Variants in PTPRD observed in about 807,000 individuals in gnomAD.
PTPRD encodes receptor-type tyrosine-protein phosphatase delta.
In PTPRD, 34 loss-of-function variants were observed where a neutral mutation model predicts 214.5. That is an observed-to-expected ratio of 0.16 (90% CI 0.12 to 0.21). The LOEUF (loss-of-function observed/expected upper bound fraction) is 0.21, where lower values mean the gene tolerates loss of function less well. Ranked by LOEUF, PTPRD falls within the 10% of genes least tolerant of loss-of-function variation. PTPRD has a pLI of 1.00. For missense variants in PTPRD, 2,545 were observed against 2,398.7 expected, an observed-to-expected ratio of 1.06 and a Z score of -1.27; for synonymous variants, 1,128 against 845.7, an observed-to-expected ratio of 1.33 and a Z score of -5.79.
chr9:8,530,309 C>G (rs190432209), intron 14 of PTPRD, among the ~76,000 whole-genome samples: 2 of 152,120 alleles, frequency 1.3e-5, no homozygotes, highest in Non-Finnish European at 2.9e-5. Flanking sequence ...TCTTAGGGAT[C>G]AACTCTCTCA....
intron 3 of PTPRD, among the ~76,000 whole-genome samples, chr9:10,305,383 CAA>C (rs532681794): frequency 0.11 from 8,121 of 75,828 alleles, 397 homozygotes; most frequent in Admixed American, 0.26. Flanking sequence ...AAAGCAATGG[CAA>C]AAAAAAAAAA....
rs115831889 is a variant in PTPRD, at chr9:9,841,205, G to T, written c.-367-74354C>A. On this transcript the variant is annotated intron_variant, in intron 5 of 45. Transcript: ENST00000381196. Reference sequence around the variant, plus strand: ...AATCATACTGGGGGATAGGAGTAGTGGTAGTGGGGTTAACAGAAATAATAA... The same window carrying T: ...AATCATACTGGGGGATAGGAGTAGTTGTAGTGGGGTTAACAGAAATAATAA... Among the ~76,000 whole-genome samples the T allele has an allele frequency of 1.6e-3, 245 of 152,256 alleles. 1 individual carries two copies. In the Middle Eastern group the frequency reaches 0.017, roughly 11 times the overall value.
chr9:9,119,405 T>G (rs1486000538), intron 10 of PTPRD, among the ~76,000 whole-genome samples: 4 of 152,190 alleles, frequency 2.6e-5, no homozygotes, highest in Non-Finnish European at 1.5e-5. Context: ...TATATTTACA[T>G]GAAACTCTAT....
intron 7 of PTPRD, among the ~76,000 whole-genome samples, chr9:9,587,475 A>T (rs983519914): frequency 1.3e-5 from 2 of 152,106 alleles, no homozygotes; most frequent in African/African-American, 4.8e-5. Flanking sequence ...ATATGCTGTT[A>T]GAACTATTAA....
chr9:9,979,376 C>T (rs1420020893), intron 4 of PTPRD, among the ~76,000 whole-genome samples: 1 of 151,740 alleles, frequency 6.6e-6, no homozygotes, highest in African/African-American at 2.4e-5. Flanking sequence ...TAAAATTTAA[C>T]AGTTAAGTGT....
At chr9:10,493,758 C>T (rs1217144225) in intron 2 of PTPRD, among the ~76,000 whole-genome samples, 1 of 151,928 alleles carries the variant, frequency 6.6e-6, no homozygotes, top group Admixed American at 6.6e-5. Flanking sequence ...AGAATAGATT[C>T]ATATGTAACA....
chr9:10,384,884 A>G (rs1453929974), intron 2 of PTPRD, among the ~76,000 whole-genome samples: 2 of 151,822 alleles, frequency 1.3e-5, no homozygotes, highest in Admixed American at 6.6e-5. Flanking sequence ...TTCTTAAACC[A>G]TAACTTAAAC....
chr9:9,221,963 G>T (rs948812322), intron 9 of PTPRD, among the ~76,000 whole-genome samples: 1 of 152,110 alleles, frequency 6.6e-6, no homozygotes, highest in Non-Finnish European at 1.5e-5. Flanking sequence ...ACAAAATCCT[G>T]AAGTGATCTT....
At chr9:9,166,098 A>T (rs1298467502) in intron 10 of PTPRD, among the ~76,000 whole-genome samples, 1 of 152,090 alleles carries the variant, frequency 6.6e-6, no homozygotes, top group East Asian at 1.9e-4. Flanking sequence ...TCCACTAATT[A>T]AAATGTCTCA....
intron 2 of PTPRD, among the ~76,000 whole-genome samples, chr9:10,548,431 A>T (rs375371380): frequency 2.3e-4 from 35 of 152,230 alleles, no homozygotes; most frequent in African/African-American, 6.3e-4. Context: ...CATCTATGGC[A>T]TCAATCACTA....
rs537056217 is a variant in PTPRD, at chr9:10,410,465, T to C, written c.-599-69448A>G. ...GCTGATAGTTTGCCTTTGATAATTA[T>C]ACTTTAATTACACTTATCAAGATGG... On this transcript the variant is annotated intron_variant, in intron 2 of 45. Coordinates refer to ENST00000381196, the MANE Select transcript of PTPRD (RefSeq NM_002839.4). 2.0e-5 allele frequency among the ~76,000 whole-genome samples: 3 copies of C among 151,476 alleles called. No homozygotes were observed. The East Asian group carries it at 5.9e-4, about 30-fold the overall frequency.
intron 3 of PTPRD, among the ~76,000 whole-genome samples, chr9:10,118,655 TA>T: frequency 6.6e-6 from 1 of 151,584 alleles, no homozygotes; most frequent in Admixed American, 6.6e-5. Flanking sequence ...CAAAATAAGA[TA>T]AAAATGTAAT....
At position 9,487,297 on chromosome 9, in the gene PTPRD, G is replaced by A. The variant is rs182858905; in HGVS notation, c.-237+87435C>T. Among the ~76,000 whole-genome samples, 129 of 151,662 alleles carry A rather than the reference G, an allele frequency of 8.5e-4. 2 individuals carry two copies. In the East Asian group the frequency reaches 0.022, roughly 26 times the overall value. On this transcript the variant is annotated intron_variant, in intron 8 of 45. Coordinates refer to ENST00000381196, the MANE Select transcript of PTPRD (RefSeq NM_002839.4). Reference sequence around the variant, plus strand: ...CATTGTTCAATTCCCACCTATGAGTGAGAACATGTGGTGTTTAGTTTTTTG... The same window carrying A: ...CATTGTTCAATTCCCACCTATGAGTAAGAACATGTGGTGTTTAGTTTTTTG...
At chr9:8,729,638 G>A (rs755206037) in intron 12 of PTPRD, among the ~76,000 whole-genome samples, 4 of 151,958 alleles carry the variant, frequency 2.6e-5, no homozygotes, top group East Asian at 1.9e-4. Context: ...GACCATCACC[G>A]TCATCCACAT....
At chr9:10,307,013 C>G (rs1003464818) in intron 3 of PTPRD, among the ~76,000 whole-genome samples, 22 of 152,194 alleles carry the variant, frequency 1.4e-4, no homozygotes, top group African/African-American at 5.1e-4. Flanking sequence ...ATGTAATAAT[C>G]AAGTCTGGAT....
rs192915980 is a variant in PTPRD at position 10,030,771 on chromosome 9, G to A, written c.-472+2947C>T. 1.5e-3 allele frequency among the ~76,000 whole-genome samples: 232 copies of A among 152,258 alleles called. 2 individuals carry two copies. Among genetic ancestry groups the A allele is most frequent in the Non-Finnish European group, 1.4e-3 (98 of 68,028 alleles). ...CTGAACACTGCCCATGGATTATTTA[G>A]TGAAGATACAAACCAGGTAATTTGT... is the stretch of plus-strand genomic sequence containing the variant. On this transcript the variant is annotated intron_variant, in intron 4 of 45. Transcript: ENST00000381196.
chr9:8,396,336 T>C (rs1455784021), intron 36 of PTPRD, among the ~76,000 whole-genome samples: 2 of 152,154 alleles, frequency 1.3e-5, no homozygotes, highest in African/African-American at 4.8e-5. Flanking sequence ...GGCCCCTTTC[T>C]AGCTTCTACT....
At chr9:10,247,129 G>T (rs1186384262) in intron 3 of PTPRD, among the ~76,000 whole-genome samples, 1 of 151,972 alleles carries the variant, frequency 6.6e-6, no homozygotes, top group Non-Finnish European at 1.5e-5. Flanking sequence ...TGACTACAAG[G>T]TGTTACACAA....
chr9:8,661,741 T>C (rs979566797), intron 12 of PTPRD, among the ~76,000 whole-genome samples: 1 of 152,230 alleles, frequency 6.6e-6, no homozygotes, highest in African/African-American at 2.4e-5. Context: ...TCTGTGTTTG[T>C]GTTTTATTTC....
Sources: allele counts gnomAD v4.1 joint callset (sites outside exome capture counted in the v4.1 genomes callset), GRCh38; gene constraint gnomAD v4.1.1; transcripts MANE v1.5; gene names NCBI Gene and HGNC (gene_info 2026-07-23, HGNC 2026-07-21).